Variants in GPR26 observed in about 807,000 individuals in gnomAD.
The protein encoded by GPR26 is G protein-coupled receptor 26.
GPR26 carries 15 observed loss-of-function variants against 23.1 expected under a neutral mutation model. The observed-to-expected ratio is 0.65, with a 90% CI of 0.43 to 1.00. The LOEUF (loss-of-function observed/expected upper bound fraction) is 1.00, where lower values mean the gene tolerates loss of function less well. Among genes scored for constraint, GPR26 ranks in the 50% least tolerant of loss-of-function variants. The pLI, the probability that GPR26 is intolerant of heterozygous loss-of-function variation, is 0.00. For synonymous variants in GPR26, 228 were observed against 222.1 expected, an observed-to-expected ratio of 1.03 and a Z score of -0.24; for missense variants, 359 against 470.5, an observed-to-expected ratio of 0.76 and a Z score of 2.19.
intron 2 of GPR26, among the ~76,000 whole-genome samples, chr10:123,686,974 G>T (rs1845436538): frequency 6.6e-6 from 1 of 152,092 alleles, no homozygotes; most frequent in South Asian, 2.1e-4. Context: ...TCCAAATATG[G>T]CCAAGGGTGC....
intron 2 of GPR26, among the ~76,000 whole-genome samples, chr10:123,687,073 G>T (rs1255740865): frequency 6.6e-6 from 1 of 152,036 alleles, no homozygotes; most frequent in Admixed American, 6.5e-5. Context: ...CATGGTATTA[G>T]CACCCTTGCC....
Position 123,666,440 on chromosome 10 carries a change from A to G in GPR26, c.33A>G (p.Leu11=), listed in dbSNP as rs763243401. 2.6e-6 allele frequency: 4 copies of G among 1,538,676 alleles called. No homozygotes were observed. Among genetic ancestry groups the G allele is most frequent in the East Asian group, 2.5e-5 (1 of 40,104 alleles). The change falls in exon 1 of 3, where the codon CTA becomes CTG. Residue 11 remains leucine (L), a synonymous_variant. Transcript: ENST00000284674. MNSWDAGLAG[L]LVGTMGVSLL... ...CGTGGGACGCGGGCCTGGCGGGGCT[A>G]CTGGTGGGCACGATGGGCGTCTCGC...
intron 2 of GPR26, among the ~76,000 whole-genome samples, chr10:123,685,432 AACC>A (rs919316544): frequency 2.6e-5 from 4 of 152,298 alleles, no homozygotes; most frequent in Middle Eastern, 3.4e-3. Flanking sequence ...AGGCGCAGGG[AACC>A]ACCTGCATGG....
At position 123,690,643 on chromosome 10, in the gene GPR26, T is replaced by C. The variant is rs778650348; in HGVS notation, c.*2483T>C. ...CATTGATTGGGTATTTTCATTATTA[T>C]TTGGACACATGAATTAAATCCCAAG... On this transcript the variant is annotated 3_prime_UTR_variant, in exon 3 of 3. Transcript: ENST00000284674. The C allele has an allele frequency of 4.6e-5, 7 of 152,238 alleles. No individual in the cohort carries two copies. The highest frequency in any genetic ancestry group is 1.4e-4 in the African/African-American group (6 of 41,464). The allele number at this position is 152,238 out of a possible 1,614,324, so 9.4% of individuals were successfully genotyped here.
intron 2 of GPR26, among the ~76,000 whole-genome samples, chr10:123,680,964 C>T (rs535871179): frequency 3.3e-5 from 5 of 152,076 alleles, no homozygotes; most frequent in East Asian, 1.9e-4. Context: ...CTCAGCCACC[C>T]GAGTAGCTGG....
chr10:123,680,603 G>T (rs1208266909), intron 2 of GPR26, among the ~76,000 whole-genome samples: 1 of 152,126 alleles, frequency 6.6e-6, no homozygotes, highest in Non-Finnish European at 1.5e-5. Flanking sequence ...ACTGTCCATA[G>T]AAATAAAAAT....
chr10:123,694,505 T>A lies in GPR26; in HGVS notation c.*6345T>A, dbSNP rs375299641. ...GACATGGAGAAAATCCATATATTTTTAGCTACCAAAAAAGAGAAGGAAGAA... is the reference window on the plus strand; with the variant it reads ...GACATGGAGAAAATCCATATATTTTAAGCTACCAAAAAAGAGAAGGAAGAA... On this transcript the variant is annotated 3_prime_UTR_variant, in exon 3 of 3. Coordinates refer to ENST00000284674, the MANE Select transcript of GPR26 (RefSeq NM_153442.4). 1.5e-4 allele frequency: 22 copies of A among 150,736 alleles called. No individual in the cohort carries two copies. Among genetic ancestry groups the A allele is most frequent in the African/African-American group, 5.1e-4 (21 of 41,076 alleles). The allele number at this position is 150,736 out of a possible 1,614,324, so 9.3% of individuals were successfully genotyped here.
intron 2 of GPR26, among the ~76,000 whole-genome samples, chr10:123,685,705 G>T (rs1845425261): frequency 6.6e-6 from 1 of 152,212 alleles, no homozygotes; most frequent in Non-Finnish European, 1.5e-5. Context: ...GAGCCGGAAG[G>T]GACCCCAGAG....
At chr10:123,679,635 T>A (rs2362651) in intron 2 of GPR26, among the ~76,000 whole-genome samples, 63,495 of 151,674 alleles carry the variant, frequency 0.42, 13,560 homozygotes, top group African/African-American at 0.49. Context: ...TTTGAATAAT[T>A]GCCCAGAGCT....
rs752123882 is a variant in GPR26, at chr10:123,667,925, C to T, written c.668+850C>T. Among the ~76,000 whole-genome samples, 24 of 152,198 alleles carry T rather than the reference C, an allele frequency of 1.6e-4. 1 individual carries two copies. Among genetic ancestry groups the T allele is most frequent in the Non-Finnish European group, 3.2e-4 (22 of 68,026 alleles). On this transcript the variant is annotated intron_variant, in intron 1 of 2. Coordinates refer to ENST00000284674, the MANE Select transcript of GPR26 (RefSeq NM_153442.4). The stretch of plus-strand genomic sequence containing the variant: ...GCTGTCCTGAGCTCACCTCAGCTTT[C>T]CCCAGGAGAATAGGAAATCGAGGAG...
intron 2 of GPR26, among the ~76,000 whole-genome samples, chr10:123,675,161 C>T (rs1281300669): frequency 6.6e-6 from 1 of 152,162 alleles, no homozygotes; most frequent in Non-Finnish European, 1.5e-5. Context: ...GACTCTCTCC[C>T]ACTCGATTTC....
At position 123,674,619 on chromosome 10, in the gene GPR26, A is replaced by G. The variant is rs2133924225; in HGVS notation, c.669-199A>G. Among the ~76,000 whole-genome samples the G allele has an allele frequency of 6.6e-6, 1 of 152,308 alleles. No individual in the cohort carries two copies. The highest frequency in any genetic ancestry group is 1.9e-4 in the East Asian group (1 of 5,186). On this transcript the variant is annotated intron_variant, in intron 1 of 2. Transcript: ENST00000284674. The surrounding 1 kb of genome is among the most constrained non-coding windows in gnomAD (Gnocchi z 4.1). ...TATATGATGCATATTATTATTTTAC[A>G]CAGGAGGACCTTGAGGCTTAGTAAT...
At chr10:123,675,819 C>CGTGTGTGT (rs1176442924) in intron 2 of GPR26, among the ~76,000 whole-genome samples, 7 of 16,664 alleles carry the variant, frequency 4.2e-4, no homozygotes, top group Admixed American at 6.6e-4. Context: ...TGTGTGTGTA[C>CGTGTGTGT]GTGTGTGTGT....
rs1376944600 is a variant in GPR26 at position 123,674,403 on chromosome 10, T to C, written c.669-415T>C. ...CACTCTGGAGCCAGCCCATAGCAGA[T>C]GATCAGTGAATGATATGAGCAATAA... On this transcript the variant is annotated intron_variant, in intron 1 of 2. Transcript: ENST00000284674. This position sits in a 1 kb window ranked among gnomAD's most constrained non-coding sequence, Gnocchi z 4.1. Among the ~76,000 whole-genome samples, 2 of 152,246 alleles carry C rather than the reference T, an allele frequency of 1.3e-5. No homozygotes were observed. The highest frequency in any genetic ancestry group is 4.8e-5 in the African/African-American group (2 of 41,474).
At chr10:123,675,016 C>A in intron 2 of GPR26, 85 bp downstream of exon 2, 3 of 796,930 alleles carry the variant, frequency 3.8e-6, no homozygotes, top group Non-Finnish European at 6.4e-6. Flanking sequence ...CCTCTCTTGG[C>A]CACACGTTCT....
rs1023592673 is a variant in GPR26 at position 123,695,526 on chromosome 10, G to A, written c.*7366G>A. 2.6e-5 allele frequency among the ~76,000 whole-genome samples: 4 copies of A among 152,074 alleles called. No homozygotes were observed. Among genetic ancestry groups the A allele is most frequent in the Admixed American group, 6.6e-5 (1 of 15,266 alleles). ...AGGCGCAAGGCTTCAGTCTTATCCCGGACAATCCTCAGGGATTGGGTTTGA... is the reference window on the plus strand; with the variant it reads ...AGGCGCAAGGCTTCAGTCTTATCCCAGACAATCCTCAGGGATTGGGTTTGA... On this transcript the variant is annotated 3_prime_UTR_variant, in exon 3 of 3. Coordinates refer to ENST00000284674, the MANE Select transcript of GPR26 (RefSeq NM_153442.4).
In GPR26 at chr10:123,689,291, G is replaced by T. The variant is rs1420944526; in HGVS notation, c.*1131G>T. 6.6e-6 allele frequency: 1 copy of T among 150,516 alleles called. No homozygotes were observed. The highest frequency in any genetic ancestry group is 2.4e-5 in the African/African-American group (1 of 40,912). 9.3% of individuals were successfully genotyped at this position (150,516 alleles called of 1,614,324 possible). A position where few individuals can be genotyped will look rare whatever the true frequency, so the allele number is the denominator to read the frequency against. On this transcript the variant is annotated 3_prime_UTR_variant, in exon 3 of 3. Transcript: ENST00000284674. ...TCGAGATGGGAGTTTCACTCTTATT[G>T]CCCAGGCTAGAGTGCAATGGTGCGA... is the stretch of plus-strand genomic sequence containing the variant.
rs1028481119 is a variant in GPR26 at position 123,693,213 on chromosome 10, C to A, written c.*5053C>A. 1.3e-5 allele frequency: 2 copies of A among 152,340 alleles called. No individual in the cohort carries two copies. Among genetic ancestry groups the A allele is most frequent in the East Asian group, 3.9e-4 (2 of 5,180 alleles). The allele number at this position is 152,340 out of a possible 1,614,324, so 9.4% of individuals were successfully genotyped here. A position where few individuals can be genotyped will look rare whatever the true frequency, so the allele number is the denominator to read the frequency against. ...TCTAGGGGAATTCTGAGGGAAGAAG[C>A]TTTGCAGCAACCTCTGTGCCCAGAA... On this transcript the variant is annotated 3_prime_UTR_variant, in exon 3 of 3. Coordinates refer to ENST00000284674, the MANE Select transcript of GPR26 (RefSeq NM_153442.4).
At chr10:123,671,898 T>A (rs1845253865) in intron 1 of GPR26, among the ~76,000 whole-genome samples, 1 of 152,222 alleles carries the variant, frequency 6.6e-6, no homozygotes. Context: ...AGCTCAGTTT[T>A]GCAAAGCTAT....
Sources: allele counts gnomAD v4.1 joint callset (sites outside exome capture counted in the v4.1 genomes callset), GRCh38; gene constraint gnomAD v4.1.1; non-coding constraint Gnocchi (gnomAD v3.1); transcripts MANE v1.5; gene names NCBI Gene and HGNC (gene_info 2026-07-23, HGNC 2026-07-21).